EIF2S1: variants seen among roughly 807,000 people sequenced by gnomAD.
EIF2S1 encodes eukaryotic translation initiation factor 2 subunit alpha.
Under a neutral mutation model 33.5 loss-of-function variants are expected in EIF2S1, and 5 were observed. That is an observed-to-expected ratio of 0.15 (90% CI 0.08 to 0.31). EIF2S1 has a LOEUF of 0.31. EIF2S1 is among the 10% of genes least tolerant of loss of function. EIF2S1 has a pLI of 1.00. For missense variants in EIF2S1, 191 were observed against 384.6 expected, an observed-to-expected ratio of 0.50 and a Z score of 4.21; for synonymous variants, 99 against 127.5, an observed-to-expected ratio of 0.78 and a Z score of 1.51.
At position 67,376,555 on chromosome 14, in the gene EIF2S1, A is replaced by T. The variant is rs2085858590; in HGVS notation, c.438A>T (p.Gly146=). 1.9e-6 allele frequency: 3 copies of T among 1,613,946 alleles called. No individual in the cohort carries two copies. In the Admixed American group the frequency reaches 5.0e-5, roughly 27 times the overall value. ...TTGATGACAAGTACAAGAGACCTGG[A>T]TATGGTGCCTATGATGCATTTAAGC... ...WVFDDKYKRP[G]YGAYDAFKHA... The change falls in exon 4 of 8, where the codon GGA becomes GGT. Residue 146 remains glycine, a synonymous_variant. Coordinates refer to ENST00000256383, the MANE Select transcript of EIF2S1 (RefSeq NM_004094.5).
At chr14:67,373,782 C>G (rs1442830520) in intron 2 of EIF2S1, among the ~76,000 whole-genome samples, 2 of 151,800 alleles carry the variant, frequency 1.3e-5, no homozygotes, top group Non-Finnish European at 2.9e-5. Context: ...TGTTTAAGCA[C>G]CTAACATAGT....
At chr14:67,380,893 A>G (rs1012615965) in intron 5 of EIF2S1, 128 bp downstream of exon 5, 2 of 465,864 alleles carry the variant, frequency 4.3e-6, no homozygotes, top group African/African-American at 4.1e-5. Flanking sequence ...GTTGTTTTTT[A>G]TAACAAAAGC....
chr14:67,375,073 G>C (rs1336930174), intron 3 of EIF2S1, among the ~76,000 whole-genome samples: 1 of 152,138 alleles, frequency 6.6e-6, no homozygotes. Context: ...TAGCGTGTTA[G>C]GATTATTTCT....
chr14:67,364,699 G>A, intron 1 of EIF2S1, 68 bp from the exon 2 acceptor site: 1 of 1,446,700 alleles, frequency 6.9e-7, no homozygotes, highest in South Asian at 1.4e-5. Context: ...GGCAGGATGT[G>A]GAAATTGATT....
At chr14:67,372,711 C>G (rs1290060194) in intron 2 of EIF2S1, among the ~76,000 whole-genome samples, 1 of 151,908 alleles carries the variant, frequency 6.6e-6, no homozygotes, top group Non-Finnish European at 1.5e-5. Flanking sequence ...GCCTGTAGTC[C>G]CAGCTACTCA....
In EIF2S1 at chr14:67,375,278, GTGTGTC is replaced by G. The variant is rs1283551943; in HGVS notation, c.321+732_321+737del. On this transcript the variant is annotated intron_variant, in intron 3 of 7. Transcript: ENST00000256383. ...TGTGTGTGTGTGTGTGTGTGTGTGT[GTGTGTC>G]ACAAAGTCTTTCCCAGACTGGAGTG... Among the ~76,000 whole-genome samples the G allele has an allele frequency of 1.6e-4, 21 of 132,294 alleles. No individual in the cohort carries two copies. The South Asian group carries it at 3.2e-3, about 20-fold the overall frequency. The allele number at this position is 132,294 out of a possible 152,430, so 86.8% of individuals were successfully genotyped here.
At chr14:67,372,889 C>T (rs1436983785) in intron 2 of EIF2S1, among the ~76,000 whole-genome samples, 5 of 151,364 alleles carry the variant, frequency 3.3e-5, no homozygotes, top group East Asian at 1.9e-4. Flanking sequence ...TTTAAAGGAG[C>T]GAAAGTTTTG....
chr14:67,382,841 A>G (rs552969016), intron 7 of EIF2S1, among the ~76,000 whole-genome samples: 8 of 151,678 alleles, frequency 5.3e-5, no homozygotes, highest in South Asian at 2.1e-4. Flanking sequence ...AGAATTGGAG[A>G]AAAAAAAAGT....
intron 7 of EIF2S1, among the ~76,000 whole-genome samples, chr14:67,383,110 A>C (rs532353491): frequency 3.9e-5 from 6 of 152,304 alleles, no homozygotes; most frequent in Admixed American, 6.5e-5. Context: ...TAATACATAC[A>C]TCCTTTTTCT....
At chr14:67,382,782 G>GT (rs1293745523) in intron 7 of EIF2S1, 192 bp downstream of exon 7, 4 of 587,310 alleles carry the variant, frequency 6.8e-6, no homozygotes, top group East Asian at 5.9e-5. Flanking sequence ...TAAATGAGAA[G>GT]TTTTTTTATG....
intron 7 of EIF2S1, among the ~76,000 whole-genome samples, chr14:67,382,908 CGTGTGTGTGT>C (rs58119639): frequency 6.9e-6 from 1 of 144,096 alleles, no homozygotes; most frequent in African/African-American, 2.5e-5. Flanking sequence ...TGCGTGCGTG[CGTGTGTGTGT>C]GTGTGTGTGT....
chr14:67,383,148 A>G (rs1161179195), intron 7 of EIF2S1, among the ~76,000 whole-genome samples, 167 bp from the exon 8 acceptor site: 3 of 152,152 alleles, frequency 2.0e-5, no homozygotes, highest in Non-Finnish European at 4.4e-5. Flanking sequence ...TTCACCTCTT[A>G]TTTATGTAAT....
rs1252125087 is a variant in EIF2S1, at chr14:67,380,705, G to A, written c.520G>A (p.Glu174Lys). Reference protein sequence around the residue: ...DSLDLNEDEREVLINNINRRL... With the variant: ...DSLDLNEDERKVLINNINRRL... ...TTTAGATTTGAATGAAGATGAACGG[G>A]AAGTACTCATTAATAATATTAATAG... The change falls in exon 5 of 8, where the codon GAA becomes AAA. Residue 174 changes from glutamate to lysine, a missense_variant. Physicochemically the swap from Glu to Lys is moderately conservative, Grantham distance 56. Transcript: ENST00000256383. The A allele has an allele frequency of 6.3e-7, 1 of 1,585,720 alleles. No homozygotes were observed. Among genetic ancestry groups the A allele is most frequent in the Non-Finnish European group, 8.6e-7 (1 of 1,168,778 alleles).
chr14:67,379,846 A>G (rs953685612), intron 4 of EIF2S1, among the ~76,000 whole-genome samples: 6 of 151,340 alleles, frequency 4.0e-5, no homozygotes, highest in African/African-American at 1.2e-4. Flanking sequence ...AGTAGAGACG[A>G]GGTTTCACCG....
At chr14:67,372,075 G>C (rs557244266) in intron 2 of EIF2S1, among the ~76,000 whole-genome samples, 36 of 151,876 alleles carry the variant, frequency 2.4e-4, no homozygotes, top group Admixed American at 9.8e-4. Flanking sequence ...GACCAGCCTG[G>C]GCAACATAGC....
Position 67,384,798 on chromosome 14 carries a change from T to C in EIF2S1, c.*1358T>C, listed in dbSNP as rs1248305417. 6.6e-6 allele frequency: 1 copy of C among 152,208 alleles called. No individual in the cohort carries two copies. Among genetic ancestry groups the C allele is most frequent in the Non-Finnish European group, 1.5e-5 (1 of 68,032 alleles). 9.4% of individuals were successfully genotyped at this position (152,208 alleles called of 1,614,324 possible). ...CTGGTTTCTGAGAGAGTGCCATGAT[T>C]GCTAGCCAGCATTCCATATTGGGAA... is the stretch of plus-strand genomic sequence containing the variant. On this transcript the variant is annotated 3_prime_UTR_variant, in exon 8 of 8. Transcript: ENST00000256383.
At chr14:67,377,763 C>A (rs997332877) in intron 4 of EIF2S1, among the ~76,000 whole-genome samples, 2 of 152,110 alleles carry the variant, frequency 1.3e-5, no homozygotes, top group African/African-American at 4.8e-5. Context: ...ACCCACTTCT[C>A]AACTTTTCCT....
At chr14:67,371,586 C>G (rs551745217) in intron 2 of EIF2S1, among the ~76,000 whole-genome samples, 1 of 152,274 alleles carries the variant, frequency 6.6e-6, no homozygotes, top group South Asian at 2.1e-4. Context: ...TTAGTATACT[C>G]TATTATTCCT....
rs1227197516 is a variant in EIF2S1, at chr14:67,384,981, TTTGA to T, written c.*1544_*1547del. 1 of 152,222 alleles carries T rather than the reference TTTGA, an allele frequency of 6.6e-6. No homozygotes were observed. The highest frequency in any genetic ancestry group is 1.5e-5 in the Non-Finnish European group (1 of 68,042). The allele number at this position is 152,222 out of a possible 1,614,324, so 9.4% of individuals were successfully genotyped here. ...TGTTGTACGCAGAGGAATTTTTTCT[TTTGA>T]TTTTGTTTACTGAAATTTGTTATAC... On this transcript the variant is annotated 3_prime_UTR_variant, in exon 8 of 8. Coordinates refer to ENST00000256383, the MANE Select transcript of EIF2S1 (RefSeq NM_004094.5).
Sources: gnomAD v4.1 joint callset for allele counts (sites outside exome capture counted in the v4.1 genomes callset) on GRCh38, gnomAD v4.1.1 for gene constraint, MANE v1.5 for transcripts, NCBI Gene and HGNC (gene_info 2026-07-23, HGNC 2026-07-21) for gene names.